Variants in SLC30A7 observed in about 807,000 individuals in gnomAD.
SLC30A7 encodes solute carrier family 30 member 7, also known as zinc transporter 7.
In SLC30A7, 35 loss-of-function variants were observed where a neutral mutation model predicts 46.0. That is an observed-to-expected ratio of 0.76 (90% CI 0.58 to 1.01). SLC30A7 has a LOEUF of 1.01. Ranked by LOEUF, SLC30A7 falls within the 50% of genes least tolerant of loss-of-function variation. The pLI is 0.00. For missense variants in SLC30A7, 464 were observed against 451.1 expected, an observed-to-expected ratio of 1.03 and a Z score of -0.26; for synonymous variants, 147 against 157.8, an observed-to-expected ratio of 0.93 and a Z score of 0.51.
At chr1:100,959,809 G>C (rs1394993976) in intron 8 of SLC30A7, among the ~76,000 whole-genome samples, 1 of 152,180 alleles carries the variant, frequency 6.6e-6, no homozygotes, top group African/African-American at 2.4e-5. Flanking sequence ...ATACTACATA[G>C]GGCAGGGTCA....
At chr1:100,995,075 A>C in the SLC30A7 span, 5 of 1,477,184 alleles carry the variant, frequency 3.4e-6, no homozygotes, top group Non-Finnish European at 4.7e-6. Flanking sequence ...CAAGGAAATA[A>C]AACACATGTA....
intron 1 of SLC30A7, 104 bp downstream of exon 1, chr1:100,896,446 C>T (rs1365740585): frequency 2.8e-6 from 4 of 1,437,932 alleles, no homozygotes; most frequent in East Asian, 4.5e-5. Context: ...AAAAACTCCC[C>T]GTCAACCCCT....
chr1:100,927,130 T>C (rs1653357815), intron 8 of SLC30A7, among the ~76,000 whole-genome samples: 1 of 151,920 alleles, frequency 6.6e-6, no homozygotes, highest in Non-Finnish European at 1.5e-5. Flanking sequence ...ATCTCTAGAG[T>C]TCAGGGAGCA....
At chr1:100,905,131 A>G (rs914352849) in intron 2 of SLC30A7, among the ~76,000 whole-genome samples, 1 of 152,036 alleles carries the variant, frequency 6.6e-6, no homozygotes, top group Admixed American at 6.6e-5. Flanking sequence ...CCTTACAATA[A>G]TACACTTTGA....
downstream of SLC30A7, among the ~76,000 whole-genome samples, chr1:100,984,586 A>C (rs1657164122): frequency 1.3e-5 from 2 of 152,202 alleles, no homozygotes; most frequent in Non-Finnish European, 2.9e-5. Flanking sequence ...AGTCTTTGAA[A>C]ACCGAACTTA....
chr1:100,959,259 A>G (rs1655406469), intron 8 of SLC30A7, among the ~76,000 whole-genome samples: 1 of 152,348 alleles, frequency 6.6e-6, no homozygotes, highest in East Asian at 1.9e-4. Context: ...TCACATACCT[A>G]TTTTATGTAG....
At chr1:100,926,619 C>T (rs965219096) in intron 8 of SLC30A7, among the ~76,000 whole-genome samples, 1 of 152,162 alleles carries the variant, frequency 6.6e-6, no homozygotes, top group African/African-American at 2.4e-5. Context: ...ACTATATTAA[C>T]ATTCTTATTG....
At chr1:100,990,773 C>CA in the SLC30A7 span, 14 of 731,590 alleles carry the variant, frequency 1.9e-5, no homozygotes, top group Non-Finnish European at 2.9e-5. Flanking sequence ...ACCAGTTATC[C>CA]ATTAATTCAT....
chr1:100,961,479 A>G (rs1655548187), intron 8 of SLC30A7, among the ~76,000 whole-genome samples: 2 of 151,884 alleles, frequency 1.3e-5, no homozygotes, highest in Non-Finnish European at 2.9e-5. Context: ...ATTTTTTTGT[A>G]TTTTCCTTAT....
At chr1:100,986,404 T>C (rs1320038213), downstream of SLC30A7, among the ~76,000 whole-genome samples, 1 of 149,576 alleles carries the variant, frequency 6.7e-6, no homozygotes, top group East Asian at 2.0e-4. Flanking sequence ...AGCAAAACTC[T>C]TGTCTAAAAA....
intron 2 of SLC30A7, among the ~76,000 whole-genome samples, chr1:100,905,152 C>G (rs1651566446): frequency 6.6e-6 from 1 of 152,004 alleles, no homozygotes; most frequent in African/African-American, 2.4e-5. Context: ...TTTTCTTATT[C>G]CATTCTGTGT....
At chr1:100,951,937 A>G (rs775610824) in intron 8 of SLC30A7, among the ~76,000 whole-genome samples, 13 of 152,224 alleles carry the variant, frequency 8.5e-5, no homozygotes, top group East Asian at 1.9e-4. Context: ...TGGGCCCAAT[A>G]TAATAAAAAA....
At chr1:100,985,291 G>C (rs1252681811), downstream of SLC30A7, among the ~76,000 whole-genome samples, 1 of 152,196 alleles carries the variant, frequency 6.6e-6, no homozygotes, top group Non-Finnish European at 1.5e-5. Flanking sequence ...AACTTCCCAA[G>C]TTTGGTGATG....
At chr1:100,961,689 T>C in intron 8 of SLC30A7, 139 bp from the exon 9 acceptor site, 2 of 457,598 alleles carry the variant, frequency 4.4e-6, no homozygotes, top group South Asian at 8.9e-5. Flanking sequence ...TCTAAAACAA[T>C]GACTGGTTGA....
At chr1:100,911,643 T>C (rs1028687574) in intron 4 of SLC30A7, among the ~76,000 whole-genome samples, 1 of 152,156 alleles carries the variant, frequency 6.6e-6, no homozygotes, top group African/African-American at 2.4e-5. Flanking sequence ...TTGCGCCTCC[T>C]GGTGTAAGCG....
At chr1:100,983,895 G>A (rs922586976), downstream of SLC30A7, among the ~76,000 whole-genome samples, 7 of 152,264 alleles carry the variant, frequency 4.6e-5, no homozygotes, top group Non-Finnish European at 8.8e-5. Flanking sequence ...ATTAGCCGTC[G>A]CTGTCTTCCA....
At position 100,913,804 on chromosome 1, in the gene SLC30A7, A is replaced by G. The variant is rs145181243; in HGVS notation, c.653A>G (p.His218Arg). 3.7e-6 allele frequency: 6 copies of G among 1,613,624 alleles called. No homozygotes were observed. Among genetic ancestry groups the G allele is most frequent in the Non-Finnish European group, 4.2e-6 (5 of 1,179,620 alleles). Residue 218 changes from histidine (H) to arginine (R), a missense_variant and splice_region_variant, in exon 6 of 11, where the codon CAT becomes CGT. Physicochemically the swap from His to Arg is conservative, Grantham distance 29. Coordinates refer to ENST00000357650, the MANE Select transcript of SLC30A7 (RefSeq NM_133496.5). ...CATGGACATGGACACTTTCATTCTC[A>G]TGGTGAGTACAGCCTAGAGACAAAT... ...HAHGHGHFHSHDGPSLKETTG... is the reference protein window; with the variant it reads ...HAHGHGHFHSRDGPSLKETTG...
chr1:100,982,578 A>C (rs144463301), downstream of SLC30A7, among the ~76,000 whole-genome samples: 438 of 152,226 alleles, frequency 2.9e-3, 2 homozygotes, highest in African/African-American at 9.9e-3. Context: ...TTATCATAAA[A>C]CGTCTTTCTT....
intron 3 of SLC30A7, among the ~76,000 whole-genome samples, chr1:100,908,276 A>T (rs1339234365): frequency 6.6e-6 from 1 of 151,868 alleles, no homozygotes; most frequent in Non-Finnish European, 1.5e-5. Flanking sequence ...TCTTTCTTTC[A>T]CATGCTCTTG....
Sources: allele counts gnomAD v4.1 joint callset (sites outside exome capture counted in the v4.1 genomes callset), GRCh38; gene constraint gnomAD v4.1.1; transcripts MANE v1.5; gene names NCBI Gene and HGNC (gene_info 2026-07-23, HGNC 2026-07-21).